Variants in GSTCD observed in about 807,000 individuals in gnomAD.
GSTCD encodes the protein glutathione S-transferase C-terminal domain-containing protein.
Under a neutral mutation model 68.3 loss-of-function variants are expected in GSTCD, and 44 were observed. The ratio of observed to expected loss-of-function variants is 0.64; its 90% CI spans 0.51 to 0.83. The LOEUF is 0.83. Ranked by LOEUF, GSTCD falls within the 40% of genes least tolerant of loss-of-function variation. GSTCD has a pLI of 0.00. For synonymous variants in GSTCD, 273 were observed against 255.2 expected (o/e 1.07, Z -0.67); for missense variants, 739 against 735.9 (o/e 1.00, Z -0.05).
chr4:105,835,419 G>C (rs1027476647), intron 9 of GSTCD, among the ~76,000 whole-genome samples: 1 of 152,170 alleles, frequency 6.6e-6, no homozygotes, highest in Admixed American at 6.5e-5. Flanking sequence ...CTGTGGGGCA[G>C]GCATCTCCAG....
chr4:105,734,357 C>T (rs1285831310), intron 5 of GSTCD, among the ~76,000 whole-genome samples: 1 of 152,156 alleles, frequency 6.6e-6, no homozygotes, highest in Non-Finnish European at 1.5e-5. Flanking sequence ...TTCACATAGT[C>T]CCATATTTCT....
In GSTCD at chr4:105,839,405, G is replaced by A. The variant is rs555963231; in HGVS notation, c.1695+1516G>A. ...AAACCCAGCACTTTGGGAGGCCAAGGCAGGCAGATCACTTGAGAACAGAGT... is the reference window on the plus strand; with the variant it reads ...AAACCCAGCACTTTGGGAGGCCAAGACAGGCAGATCACTTGAGAACAGAGT... On this transcript the variant is annotated intron_variant, in intron 10 of 11. Coordinates refer to ENST00000515279, the MANE Select transcript of GSTCD (RefSeq NM_001370181.1). Among the ~76,000 whole-genome samples the A allele has an allele frequency of 2.0e-4, 31 of 152,340 alleles. No individual in the cohort carries two copies. In the East Asian group the frequency reaches 3.9e-3, roughly 19 times the overall value.
intron 5 of GSTCD, among the ~76,000 whole-genome samples, chr4:105,819,882 A>T (rs554274388): frequency 3.4e-5 from 5 of 146,326 alleles, no homozygotes; most frequent in South Asian, 2.1e-4. Flanking sequence ...TCTCCATATT[A>T]AAAAAAAAAC....
chr4:105,839,120 T>A (rs898382971), intron 10 of GSTCD, among the ~76,000 whole-genome samples: 1 of 152,180 alleles, frequency 6.6e-6, no homozygotes, highest in African/African-American at 2.4e-5. Flanking sequence ...CCGCACCCTG[T>A]ACAAATATGC....
Position 105,726,124 on chromosome 4 carries a change from TG to T in GSTCD, c.895-454del, listed in dbSNP as rs1733023122. 3.3e-5 allele frequency among the ~76,000 whole-genome samples: 5 copies of T among 152,220 alleles called. No homozygotes were observed. The South Asian group carries it at 1.0e-3, about 32-fold the overall frequency. On this transcript the variant is annotated intron_variant, in intron 3 of 11. Coordinates refer to ENST00000515279, the MANE Select transcript of GSTCD (RefSeq NM_001370181.1). ...TTATAATAACCAACAACTGGAAACA[TG>T]CAAATATCTATCAACCAGTGAATGA...
At chr4:105,757,645 A>G (rs1200599616) in intron 5 of GSTCD, among the ~76,000 whole-genome samples, 2 of 152,178 alleles carry the variant, frequency 1.3e-5, no homozygotes, top group African/African-American at 4.8e-5. Flanking sequence ...TTGCTAAGAT[A>G]TTTTATATCT....
chr4:105,750,104 G>A (rs1733955607), intron 5 of GSTCD, among the ~76,000 whole-genome samples: 1 of 152,120 alleles, frequency 6.6e-6, no homozygotes, highest in African/African-American at 2.4e-5. Flanking sequence ...TAATATCAGG[G>A]AAATGTAAAT....
At chr4:105,797,243 AT>A (rs34494039) in intron 5 of GSTCD, among the ~76,000 whole-genome samples, 2 of 150,764 alleles carry the variant, frequency 1.3e-5, no homozygotes, top group African/African-American at 4.9e-5. Context: ...CTCCTGTCCT[AT>A]TTTTTTCCCT....
At chr4:105,736,793 A>G (rs1174807802) in intron 5 of GSTCD, among the ~76,000 whole-genome samples, 2 of 152,150 alleles carry the variant, frequency 1.3e-5, no homozygotes, top group Non-Finnish European at 2.9e-5. Context: ...CTATGAGACC[A>G]ACTTTTTTTA....
rs895575906 is a variant in GSTCD at position 105,789,535 on chromosome 4, G to A, written c.1241-33419G>A. On this transcript the variant is annotated intron_variant, in intron 5 of 11. Coordinates refer to ENST00000515279, the MANE Select transcript of GSTCD (RefSeq NM_001370181.1). ...CAGATCCTCACTGGCTGTTCACTGGGAGCATTAGTTGCTACGGGCCTCTCT... is the reference window on the plus strand; with the variant it reads ...CAGATCCTCACTGGCTGTTCACTGGAAGCATTAGTTGCTACGGGCCTCTCT... Among the ~76,000 whole-genome samples, 35 of 152,000 alleles carry A rather than the reference G, an allele frequency of 2.3e-4. 1 individual carries two copies. The highest frequency in any genetic ancestry group is 7.3e-4 in the African/African-American group (30 of 41,296).
At chr4:105,795,846 T>C (rs1735864841) in intron 5 of GSTCD, among the ~76,000 whole-genome samples, 2 of 152,134 alleles carry the variant, frequency 1.3e-5, no homozygotes, top group Admixed American at 1.3e-4. Flanking sequence ...TGATGGCTTT[T>C]CAGAGTCTTT....
At position 105,834,578 on chromosome 4, in the gene GSTCD, T is replaced by C; in HGVS notation, c.1648T>C (p.Phe550Leu). The C allele has an allele frequency of 3.1e-6, 5 of 1,613,972 alleles. No homozygotes were observed. Among genetic ancestry groups the C allele is most frequent in the Non-Finnish European group, 3.4e-6 (4 of 1,179,908 alleles). The change falls in exon 9 of 12, where the codon TTC becomes CTC. Residue 550 changes from phenylalanine to leucine, a missense_variant. Phe to Leu is a conservative substitution (Grantham distance 22). Coordinates refer to ENST00000515279, the MANE Select transcript of GSTCD (RefSeq NM_001370181.1). ...TGGTTTCATTCAGAACACCTCAAAG[T>C]TCAATTTTCCAAAAAGGTGAGAAAT... ...CYGFIQNTSK[F>L]NFPKSEQFKK...
At chr4:105,798,598 G>A (rs971450708) in intron 5 of GSTCD, among the ~76,000 whole-genome samples, 1 of 152,122 alleles carries the variant, frequency 6.6e-6, no homozygotes, top group African/African-American at 2.4e-5. Flanking sequence ...TAATTTCCTT[G>A]TAGATCTCCA....
intron 5 of GSTCD, among the ~76,000 whole-genome samples, chr4:105,783,208 C>T (rs1421163014): frequency 6.6e-6 from 1 of 152,066 alleles, no homozygotes; most frequent in Admixed American, 6.5e-5. Context: ...TTCTGTTTAC[C>T]CTTTAGAACA....
At chr4:105,720,317 G>A (rs751111725) in intron 3 of GSTCD, among the ~76,000 whole-genome samples, 4 of 152,192 alleles carry the variant, frequency 2.6e-5, no homozygotes, top group Non-Finnish European at 5.9e-5. Context: ...TTCAAGAGCT[G>A]CATTGCTTTT....
intron 5 of GSTCD, among the ~76,000 whole-genome samples, chr4:105,732,290 G>T (rs1057213851): frequency 2.6e-5 from 4 of 152,152 alleles, no homozygotes; most frequent in African/African-American, 9.7e-5. Context: ...TTGTACCTCT[G>T]GTAGAATTCG....
intron 5 of GSTCD, among the ~76,000 whole-genome samples, chr4:105,781,361 C>T (rs1735264580): frequency 6.6e-6 from 1 of 151,842 alleles, no homozygotes. Flanking sequence ...GGATCCTCCC[C>T]CTCAGCCCCC....
At chr4:105,801,588 GTATC>G (rs1368780140) in intron 5 of GSTCD, among the ~76,000 whole-genome samples, 10 of 151,900 alleles carry the variant, frequency 6.6e-5, no homozygotes, top group Admixed American at 1.3e-4. Context: ...AAGTAAATAA[GTATC>G]TATTATGGGT....
intron 11 of GSTCD, chr4:105,843,527 G>A (rs1177719647): frequency 1.3e-5 from 2 of 152,288 alleles, no homozygotes; most frequent in Admixed American, 1.3e-4. Context: ...TCAAGGGGCT[G>A]GCATCTGGTG....
Sources: allele counts gnomAD v4.1 joint callset (sites outside exome capture counted in the v4.1 genomes callset), GRCh38; gene constraint gnomAD v4.1.1; transcripts MANE v1.5; gene names NCBI Gene and HGNC (gene_info 2026-07-23, HGNC 2026-07-21).